The following AGBL4 variants were observed in gnomAD, a reference collection of about 807,000 sequenced individuals.
AGBL4 encodes the protein cytosolic carboxypeptidase 6.
In AGBL4, 58 loss-of-function variants were observed where a neutral mutation model predicts 66.4. That is an observed-to-expected ratio of 0.87 (90% CI 0.71 to 1.09). The LOEUF (loss-of-function observed/expected upper bound fraction) is 1.09. Ranked by LOEUF, AGBL4 falls within the 50% of genes least tolerant of loss-of-function variation. AGBL4 has a pLI of 0.00. For synonymous variants in AGBL4, 234 were observed against 222.9 expected (o/e 1.05, Z -0.44); for missense variants, 579 against 631.0 (o/e 0.92, Z 0.88).
intron 6 of AGBL4, among the ~76,000 whole-genome samples, chr1:48,862,430 T>C (rs1041106194): frequency 6.6e-6 from 1 of 152,186 alleles, no homozygotes; most frequent in African/African-American, 2.4e-5. Context: ...CACGCCATTC[T>C]CCTGCCTCAG....
At chr1:49,569,983 T>C (rs917314201) in intron 3 of AGBL4, among the ~76,000 whole-genome samples, 6 of 152,194 alleles carry the variant, frequency 3.9e-5, no homozygotes, top group African/African-American at 1.4e-4. Flanking sequence ...CAGTCATCTG[T>C]TGATGAACAC....
chr1:49,920,669 G>A lies in AGBL4; in HGVS notation c.35-69151C>T, dbSNP rs376469664. ...GACTGTAAATTAGTTCAACCATTGT[G>A]GAAGACAGTGTGGCAATTCCTCAAG... On this transcript the variant is annotated intron_variant, in intron 1 of 13. Transcript: ENST00000371839. Among the ~76,000 whole-genome samples the A allele has an allele frequency of 3.7e-4, 56 of 152,208 alleles. 1 individual carries two copies. In the South Asian group the frequency reaches 9.6e-3, roughly 26 times the overall value.
intron 2 of AGBL4, among the ~76,000 whole-genome samples, chr1:49,718,897 T>C (rs1260107716): frequency 6.6e-6 from 1 of 152,120 alleles, no homozygotes; most frequent in East Asian, 1.9e-4. Context: ...TCTAAAAGTG[T>C]CTGTTTGATG....
intron 4 of AGBL4, among the ~76,000 whole-genome samples, chr1:49,186,773 A>G (rs77249232): frequency 5.8e-4 from 89 of 152,322 alleles, no homozygotes; most frequent in Non-Finnish European, 1.0e-3. Context: ...GATAATAGAA[A>G]AACACTCTAG....
chr1:50,020,079 C>T (rs1199457507), intron 1 of AGBL4, among the ~76,000 whole-genome samples: 1 of 151,810 alleles, frequency 6.6e-6, no homozygotes, highest in Non-Finnish European at 1.5e-5. Context: ...TCTTAAGTGT[C>T]CCTTATTCCT....
At chr1:48,595,165 C>G (rs1430426503) in intron 9 of AGBL4, among the ~76,000 whole-genome samples, 1 of 152,160 alleles carries the variant, frequency 6.6e-6, no homozygotes. Flanking sequence ...CCTCTGCGCT[C>G]TTATAATTCA....
intron 6 of AGBL4, among the ~76,000 whole-genome samples, chr1:48,686,321 A>G (rs1646530623): frequency 6.6e-6 from 1 of 152,200 alleles, no homozygotes; most frequent in African/African-American, 2.4e-5. Flanking sequence ...ATTGTTAATG[A>G]ACTCTTTACC....
chr1:49,238,934 T>A (rs966752915), intron 4 of AGBL4, among the ~76,000 whole-genome samples: 3 of 152,166 alleles, frequency 2.0e-5, no homozygotes, highest in Admixed American at 1.3e-4. Flanking sequence ...ACCTAAGTAG[T>A]CTTCCCTCTT....
At chr1:49,003,518 T>C (rs541267528) in intron 5 of AGBL4, among the ~76,000 whole-genome samples, 13 of 152,340 alleles carry the variant, frequency 8.5e-5, no homozygotes, top group African/African-American at 3.1e-4. Flanking sequence ...CTACCTACTA[T>C]GAATTTAGCA....
intron 3 of AGBL4, among the ~76,000 whole-genome samples, chr1:49,678,121 A>T: frequency 6.6e-6 from 1 of 152,160 alleles, no homozygotes; most frequent in East Asian, 1.9e-4. Flanking sequence ...TTTCTAAACT[A>T]CAAATTCAAT....
chr1:48,587,226 G>A (rs920434538), intron 10 of AGBL4, 60 bp from the exon 11 acceptor site: 11 of 1,495,358 alleles, frequency 7.4e-6, no homozygotes, highest in Non-Finnish European at 9.9e-6. Flanking sequence ...TGGATTGTGG[G>A]CAAATTTTAC....
intron 3 of AGBL4, among the ~76,000 whole-genome samples, chr1:49,529,217 T>C (rs1285941407): frequency 2.6e-5 from 4 of 151,956 alleles, no homozygotes; most frequent in African/African-American, 4.8e-5. Context: ...ATTTGAAGAG[T>C]AGGAAATGTC....
At chr1:49,743,316 T>C (rs1276695320) in intron 2 of AGBL4, among the ~76,000 whole-genome samples, 2 of 152,156 alleles carry the variant, frequency 1.3e-5, no homozygotes, top group East Asian at 3.9e-4. Context: ...TCATCATCAC[T>C]AGCCATCAGA....
chr1:49,800,688 C>G (rs1234985433), intron 2 of AGBL4, among the ~76,000 whole-genome samples: 13 of 105,798 alleles, frequency 1.2e-4, no homozygotes, highest in African/African-American at 4.1e-4. Context: ...CTATAAAGGA[C>G]ATGAACTCAT....
chr1:49,416,974 C>A (rs1645439497), intron 3 of AGBL4, among the ~76,000 whole-genome samples: 1 of 152,068 alleles, frequency 6.6e-6, no homozygotes, highest in African/African-American at 2.4e-5. Flanking sequence ...AGATCTAAAG[C>A]TCACTGCTCC....
chr1:49,547,860 G>A (rs1438372371), intron 3 of AGBL4, among the ~76,000 whole-genome samples: 1 of 150,868 alleles, frequency 6.6e-6, no homozygotes, highest in African/African-American at 2.4e-5. Flanking sequence ...TGCAACTTCT[G>A]CCTCCCGGGT....
At chr1:49,563,136 T>C (rs1644096266) in intron 3 of AGBL4, among the ~76,000 whole-genome samples, 1 of 151,938 alleles carries the variant, frequency 6.6e-6, no homozygotes, top group African/African-American at 2.4e-5. Flanking sequence ...ATAAGAATGC[T>C]TGTGATTTTT....
At chr1:49,828,978 A>C (rs1163430779) in intron 2 of AGBL4, among the ~76,000 whole-genome samples, 1 of 152,030 alleles carries the variant, frequency 6.6e-6, no homozygotes, top group Non-Finnish European at 1.5e-5. Flanking sequence ...CTGAGGCAGG[A>C]GAATGGCGTG....
chr1:48,602,800 ACT>A (rs1428723765), intron 9 of AGBL4, among the ~76,000 whole-genome samples: 1 of 151,876 alleles, frequency 6.6e-6, no homozygotes, highest in African/African-American at 2.4e-5. Context: ...TTCTTCTCTA[ACT>A]CTCTCATCTT....
Sources: allele counts gnomAD v4.1 joint callset (sites outside exome capture counted in the v4.1 genomes callset), GRCh38; gene constraint gnomAD v4.1.1; transcripts MANE v1.5; gene names NCBI Gene and HGNC (gene_info 2026-07-23, HGNC 2026-07-21).